The following PCSK5 variants were observed in gnomAD, a reference collection of about 807,000 sequenced individuals.
The protein encoded by PCSK5 is prohormone convertase 5.
Under a neutral mutation model 233.2 loss-of-function variants are expected in PCSK5, and 129 were observed. That is an observed-to-expected ratio of 0.55 (90% CI 0.48 to 0.64). The LOEUF is 0.64. Ranked by LOEUF, PCSK5 falls within the 30% of genes least tolerant of loss-of-function variation. The pLI is 0.00. For synonymous variants in PCSK5, 825 were observed against 879.2 expected (o/e 0.94, Z 1.09); for missense variants, 2,076 against 2,430.1 (o/e 0.85, Z 3.06).
chr9:76,334,906 T>A (rs1313774967), intron 34 of PCSK5, among the ~76,000 whole-genome samples: 1 of 152,088 alleles, frequency 6.6e-6, no homozygotes, highest in Admixed American at 6.6e-5. Flanking sequence ...GGTGAGACCC[T>A]GTCTCTATTA....
chr9:76,240,555 C>T, intron 23 of PCSK5, 61 bp from the exon 24 acceptor site: 1 of 1,113,494 alleles, frequency 9.0e-7, no homozygotes, highest in African/African-American at 1.5e-5. Flanking sequence ...ATTTTTGTAG[C>T]AATTAACGTG....
chr9:75,911,979 C>G (rs1013861491), intron 1 of PCSK5, among the ~76,000 whole-genome samples: 2 of 151,930 alleles, frequency 1.3e-5, no homozygotes, highest in South Asian at 4.2e-4. Context: ...AATTTGTGGT[C>G]GTATTTTGCA....
intron 24 of PCSK5, among the ~76,000 whole-genome samples, chr9:76,277,308 C>T (rs559182942): frequency 1.8e-4 from 28 of 152,208 alleles, no homozygotes; most frequent in Admixed American, 4.6e-4. Flanking sequence ...TAAATGAATA[C>T]GTGAATGAAT....
intron 1 of PCSK5, among the ~76,000 whole-genome samples, chr9:75,902,311 ACTAGG>A (rs1826080065): frequency 6.6e-6 from 1 of 151,668 alleles, no homozygotes; most frequent in Non-Finnish European, 1.5e-5. Context: ...ACTCTGGGAA[ACTAGG>A]AGGCAAACAG....
chr9:75,902,615 G>A (rs1038980440), intron 1 of PCSK5, among the ~76,000 whole-genome samples: 6 of 152,182 alleles, frequency 3.9e-5, no homozygotes, highest in African/African-American at 7.2e-5. Context: ...GAGAACAGGC[G>A]AAGTCTAATG....
intron 7 of PCSK5, among the ~76,000 whole-genome samples, chr9:76,082,120 G>A (rs928613840): frequency 6.6e-6 from 1 of 152,022 alleles, no homozygotes; most frequent in Non-Finnish European, 1.5e-5. Context: ...TCTCTCACAG[G>A]TTCTTTGTCA....
chr9:75,965,011 C>T (rs1301225047), intron 2 of PCSK5, among the ~76,000 whole-genome samples: 1 of 152,144 alleles, frequency 6.6e-6, no homozygotes, highest in Non-Finnish European at 1.5e-5. Context: ...GGGAACAGAC[C>T]TTTCCTATCA....
At chr9:76,273,445 G>A (rs17062318) in intron 24 of PCSK5, among the ~76,000 whole-genome samples, 6,558 of 151,550 alleles carry the variant, frequency 0.043, 398 homozygotes, top group African/African-American at 0.14. Flanking sequence ...CCCTTCTCAA[G>A]GTGTTTCTTC....
chr9:76,341,348 T>A (rs549623372), intron 35 of PCSK5, among the ~76,000 whole-genome samples: 1 of 152,372 alleles, frequency 6.6e-6, no homozygotes, highest in East Asian at 1.9e-4. Flanking sequence ...TTTATGAGCA[T>A]CTTAAACATA....
At chr9:75,923,246 A>G (rs1823331269) in intron 1 of PCSK5, among the ~76,000 whole-genome samples, 1 of 152,190 alleles carries the variant, frequency 6.6e-6, no homozygotes, top group Non-Finnish European at 1.5e-5. Flanking sequence ...TTGTCCATAA[A>G]ATTAGAGTAA....
chr9:76,056,093 G>A (rs923826875), intron 5 of PCSK5, among the ~76,000 whole-genome samples: 2 of 152,150 alleles, frequency 1.3e-5, no homozygotes, highest in African/African-American at 2.4e-5. Flanking sequence ...GGTGTCAGAA[G>A]GGAATACCAA....
intron 30 of PCSK5, among the ~76,000 whole-genome samples, chr9:76,320,090 T>C (rs1390327719): frequency 6.6e-6 from 1 of 152,094 alleles, no homozygotes; most frequent in Non-Finnish European, 1.5e-5. Flanking sequence ...GGTTTCCGCA[T>C]CTTGATGGTA....
intron 33 of PCSK5, among the ~76,000 whole-genome samples, chr9:76,332,102 A>C: frequency 6.6e-6 from 1 of 152,142 alleles, no homozygotes; most frequent in Non-Finnish European, 1.5e-5. Flanking sequence ...TGTTCTACCC[A>C]CCACAGCTAA....
intron 34 of PCSK5, among the ~76,000 whole-genome samples, 178 bp from the exon 35 acceptor site, chr9:76,338,052 G>A (rs570167992): frequency 6.6e-6 from 1 of 152,232 alleles, no homozygotes; most frequent in South Asian, 2.1e-4. Context: ...CCAATTTACA[G>A]GTAAGAACAC....
At chr9:75,891,816 C>T (rs551788659) in intron 1 of PCSK5, among the ~76,000 whole-genome samples, 1 of 152,174 alleles carries the variant, frequency 6.6e-6, no homozygotes, top group Non-Finnish European at 1.5e-5. Context: ...GAAGGGAAAG[C>T]CTTTCCTGCT....
intron 34 of PCSK5, among the ~76,000 whole-genome samples, chr9:76,333,724 T>C (rs1003449449): frequency 1.3e-5 from 2 of 152,214 alleles, no homozygotes; most frequent in African/African-American, 4.8e-5. Flanking sequence ...AATCAAGGGC[T>C]GTAACCTTAG....
At position 76,095,878 on chromosome 9, in the gene PCSK5, G is replaced by C; in HGVS notation, c.895-12G>C. ...TTCACACCATCATTTAGCTTTCTCTGTTTGTGAACAGGGGCGGAGAGGCCT... is the reference window on the plus strand; with the variant it reads ...TTCACACCATCATTTAGCTTTCTCTCTTTGTGAACAGGGGCGGAGAGGCCT... On this transcript the variant is annotated splice_polypyrimidine_tract_variant and intron_variant, in intron 7 of 37. Transcript: ENST00000674117. 6.2e-7 allele frequency: 1 copy of C among 1,613,054 alleles called. No homozygotes were observed. Among genetic ancestry groups the C allele is most frequent in the African/African-American group, 1.3e-5 (1 of 75,000 alleles).
At chr9:76,286,915 A>G (rs2803411) in intron 24 of PCSK5, 57,865 of 239,714 alleles carry the variant, frequency 0.24, 7,563 homozygotes, top group Middle Eastern at 0.34. Flanking sequence ...GGACTTCTCT[A>G]CAGCCACTTG....
intron 24 of PCSK5, among the ~76,000 whole-genome samples, chr9:76,275,233 C>T (rs925968468): frequency 6.6e-6 from 1 of 152,004 alleles, no homozygotes; most frequent in African/African-American, 2.4e-5. Context: ...ATAATTTTTT[C>T]CTGTCTCTTC....
Sources: allele counts gnomAD v4.1 joint callset (sites outside exome capture counted in the v4.1 genomes callset), GRCh38; gene constraint gnomAD v4.1.1; transcripts MANE v1.5; gene names NCBI Gene and HGNC (gene_info 2026-07-23, HGNC 2026-07-21).